SNTG2: variants seen among roughly 807,000 people sequenced by gnomAD.
The protein encoded by SNTG2 is syntrophin gamma 2.
A neutral mutation model predicts 70.9 loss-of-function variants in SNTG2; 74 were observed. The observed-to-expected ratio is 1.04, with a 90% CI of 0.86 to 1.27. The LOEUF (loss-of-function observed/expected upper bound fraction) is 1.27. SNTG2 is among the 50% of genes most tolerant of loss of function. The pLI is 0.00. For synonymous variants in SNTG2, 278 were observed against 273.8 expected (o/e 1.02, Z -0.15); for missense variants, 717 against 690.7 (o/e 1.04, Z -0.43).
chr2:1,275,410 A>G (rs1288361546), intron 14 of SNTG2, among the ~76,000 whole-genome samples: 1 of 152,222 alleles, frequency 6.6e-6, no homozygotes, highest in Non-Finnish European at 1.5e-5. Flanking sequence ...TCTCTGTCAC[A>G]TTGTGGGAAT....
intron 9 of SNTG2, among the ~76,000 whole-genome samples, chr2:1,223,395 A>C (rs184049429): frequency 2.9e-5 from 2 of 68,320 alleles, no homozygotes; most frequent in East Asian, 4.0e-4. Flanking sequence ...AGAGGAAAGC[A>C]GCGCAGTGAT....
chr2:1,162,678 C>T (rs1383406420), intron 6 of SNTG2, among the ~76,000 whole-genome samples: 5 of 152,076 alleles, frequency 3.3e-5, no homozygotes, highest in African/African-American at 9.7e-5. Context: ...GTGTCGTCGC[C>T]GTCATGAACC....
intron 1 of SNTG2, among the ~76,000 whole-genome samples, chr2:1,035,546 T>C (rs1661083231): frequency 6.6e-6 from 1 of 152,208 alleles, no homozygotes; most frequent in Admixed American, 6.5e-5. Flanking sequence ...ATGCTCATTG[T>C]GTACTTCAGC....
intron 1 of SNTG2, among the ~76,000 whole-genome samples, chr2:1,032,219 A>T (rs919964626): frequency 2.6e-5 from 4 of 152,174 alleles, no homozygotes; most frequent in Admixed American, 2.6e-4. Flanking sequence ...ACGGCGCCTC[A>T]TGATTGATAT....
At chr2:1,147,819 T>A (rs1313231792) in intron 6 of SNTG2, among the ~76,000 whole-genome samples, 1 of 152,216 alleles carries the variant, frequency 6.6e-6, no homozygotes, top group Non-Finnish European at 1.5e-5. Context: ...CAGACATGAT[T>A]GTTCCATGTG....
chr2:1,176,305 G>C (rs937242462), intron 8 of SNTG2, among the ~76,000 whole-genome samples: 2 of 152,134 alleles, frequency 1.3e-5, no homozygotes, highest in Non-Finnish European at 2.9e-5. Context: ...ACCTGAGGGT[G>C]AAGGGTGGGA....
At chr2:1,122,722 C>CA (rs60163290) in intron 4 of SNTG2, among the ~76,000 whole-genome samples, 1,792 of 121,768 alleles carry the variant, frequency 0.015, 17 homozygotes, top group Non-Finnish European at 0.021. Context: ...AGCAATCAGA[C>CA]AAAAAAAAAA....
At chr2:1,154,965 A>C (rs75321966) in intron 6 of SNTG2, among the ~76,000 whole-genome samples, 9,346 of 88,036 alleles carry the variant, frequency 0.11, 441 homozygotes, top group African/African-American at 0.16. Flanking sequence ...ACCACACACA[A>C]AGACATATAC....
chr2:1,320,687 G>GT (rs987961660), intron 16 of SNTG2, among the ~76,000 whole-genome samples: 8 of 151,828 alleles, frequency 5.3e-5, no homozygotes, highest in African/African-American at 1.9e-4. Flanking sequence ...CTCTTTGACT[G>GT]TTTTTTCCTT....
At chr2:1,152,657 C>T (rs553568022) in intron 6 of SNTG2, among the ~76,000 whole-genome samples, 2 of 152,278 alleles carry the variant, frequency 1.3e-5, no homozygotes, top group South Asian at 4.1e-4. Context: ...ATTTGTAGTT[C>T]AGGACCTCAG....
At chr2:1,195,985 T>C (rs1672884648) in intron 8 of SNTG2, among the ~76,000 whole-genome samples, 5 of 152,176 alleles carry the variant, frequency 3.3e-5, no homozygotes, top group Admixed American at 3.3e-4. Flanking sequence ...TCTAAAGGCC[T>C]ACAGTATATA....
chr2:978,724 A>G (rs4971351), intron 1 of SNTG2, among the ~76,000 whole-genome samples: 11,638 of 151,580 alleles, frequency 0.077, 675 homozygotes, highest in South Asian at 0.21. Flanking sequence ...GTGTGCAATA[A>G]GCGGATGTCT....
chr2:1,256,861 C>T (rs933198904), intron 12 of SNTG2, among the ~76,000 whole-genome samples: 12 of 151,998 alleles, frequency 7.9e-5, no homozygotes, highest in Admixed American at 4.6e-4. Context: ...AGACCTGCCA[C>T]GGCTGTCAGG....
chr2:1,096,970 C>G (rs1044841208), intron 2 of SNTG2, among the ~76,000 whole-genome samples: 1 of 152,180 alleles, frequency 6.6e-6, no homozygotes, highest in African/African-American at 2.4e-5. Flanking sequence ...AAAACGATCA[C>G]TCTGTAGCAA....
chr2:1,019,511 A>C (rs1660036967), intron 1 of SNTG2, among the ~76,000 whole-genome samples: 2 of 152,134 alleles, frequency 1.3e-5, no homozygotes, highest in Non-Finnish European at 2.9e-5. Flanking sequence ...CCAAGGGAAG[A>C]AATGGCAAGG....
At chr2:1,248,023 T>C (rs544853634) in intron 12 of SNTG2, among the ~76,000 whole-genome samples, 47 of 152,306 alleles carry the variant, frequency 3.1e-4, no homozygotes, top group Middle Eastern at 3.4e-3. Flanking sequence ...AGCTTTACTT[T>C]TGAGAGTCTG....
rs984470031 is a variant in SNTG2, at chr2:1,308,541, G to A, written c.1332G>A (p.Thr444=). 5 of 1,551,628 alleles carry A rather than the reference G, an allele frequency of 3.2e-6. No individual in the cohort carries two copies. The highest frequency in any genetic ancestry group is 4.4e-6 in the Non-Finnish European group (5 of 1,146,976). The change falls in exon 15 of 17, where the codon ACG becomes ACA. Residue 444 remains threonine (T), a synonymous_variant. Coordinates refer to ENST00000308624, the MANE Select transcript of SNTG2 (RefSeq NM_018968.4). ...GGCAAGGAGAGATGCTGTGTTTCAC[G>A]GTGGATTTCGCGTTGGGATTTACCT... ...CSWQGEMLCF[T]VDFALGFTCF... is the part of the protein sequence containing the mutation.
At chr2:970,718 A>G (rs529473443) in intron 1 of SNTG2, among the ~76,000 whole-genome samples, 4 of 149,974 alleles carry the variant, frequency 2.7e-5, no homozygotes, top group Non-Finnish European at 3.0e-5. Context: ...GAATAATGCC[A>G]CAATAAACAT....
intron 9 of SNTG2, among the ~76,000 whole-genome samples, chr2:1,225,656 A>G (rs1003569370): frequency 3.9e-5 from 6 of 151,966 alleles, no homozygotes; most frequent in Admixed American, 6.6e-5. Flanking sequence ...CAGTCCTGTG[A>G]CCTCCCAGTG....
Sources: allele counts gnomAD v4.1 joint callset (sites outside exome capture counted in the v4.1 genomes callset), GRCh38; gene constraint gnomAD v4.1.1; transcripts MANE v1.5; gene names NCBI Gene and HGNC (gene_info 2026-07-23, HGNC 2026-07-21).